The following NACC2 variants were observed in gnomAD, a reference collection of about 807,000 sequenced individuals.
The protein encoded by NACC2 is NACC family member 2, also known as nucleus accumbens-associated protein 2.
Under a neutral mutation model 25.1 loss-of-function variants are expected in NACC2, and 8 were observed. The ratio of observed to expected loss-of-function variants is 0.32; its 90% CI spans 0.19 to 0.57. The LOEUF (loss-of-function observed/expected upper bound fraction) is 0.57. NACC2 is among the 20% of genes least tolerant of loss of function. NACC2 has a pLI of 0.89. For missense variants in NACC2, 644 were observed against 650.2 expected (o/e 0.99, Z 0.10); for synonymous variants, 435 against 294.7 (o/e 1.48, Z -4.88).
chr9:136,012,858 C>T (rs1213428859), intron 5 of NACC2, among the ~76,000 whole-genome samples: 3 of 152,210 alleles, frequency 2.0e-5, no homozygotes, highest in Admixed American at 2.0e-4. Context: ...GAGCGGGAGG[C>T]AGAAGCCGGC....
At chr9:136,092,923 G>C (rs1362724782) in intron 1 of NACC2, among the ~76,000 whole-genome samples, 1 of 152,232 alleles carries the variant, frequency 6.6e-6, no homozygotes, top group Non-Finnish European at 1.5e-5. Flanking sequence ...CCAAGGGGCT[G>C]TGAGATGCAG....
At chr9:136,062,177 A>AGGAC (rs1564235430) in intron 1 of NACC2, among the ~76,000 whole-genome samples, 29 of 137,004 alleles carry the variant, frequency 2.1e-4, no homozygotes, top group Admixed American at 3.7e-4. Flanking sequence ...CAGGACAGGA[A>AGGAC]AGGAAAGAGA....
intron 1 of NACC2, among the ~76,000 whole-genome samples, chr9:136,051,696 C>G (rs1840841599): frequency 6.6e-6 from 1 of 152,098 alleles, no homozygotes; most frequent in African/African-American, 2.4e-5. Flanking sequence ...AGTGCCCCCG[C>G]TGCGGAGAAG....
At chr9:136,053,298 G>C (rs1238546298) in intron 1 of NACC2, among the ~76,000 whole-genome samples, 1 of 152,226 alleles carries the variant, frequency 6.6e-6, no homozygotes, top group Non-Finnish European at 1.5e-5. Flanking sequence ...GAATGGGGAC[G>C]GGAAGAGATC....
Position 136,013,781 on chromosome 9 carries a change from G to C in NACC2, c.1157+83C>G. 7.9e-7 allele frequency: 1 copy of C among 1,264,986 alleles called. No homozygotes were observed. Among genetic ancestry groups the C allele is most frequent in the Non-Finnish European group, 1.1e-6 (1 of 892,700 alleles). 78.4% of individuals were successfully genotyped at this position (1,264,986 alleles called of 1,614,324 possible). ...AGAGGGCTTTCAATGCCACAACCCTGGACGATCAGACAGCTCATAGCTAAA... is the reference window on the plus strand; with the variant it reads ...AGAGGGCTTTCAATGCCACAACCCTCGACGATCAGACAGCTCATAGCTAAA... On this transcript the variant is annotated intron_variant, in intron 4 of 5. Coordinates refer to ENST00000277554, the MANE Select transcript of NACC2 (RefSeq NM_144653.5). The surrounding 1 kb of genome is among the most constrained non-coding windows in gnomAD (Gnocchi z 6.6).
intron 1 of NACC2, among the ~76,000 whole-genome samples, chr9:136,056,527 C>T (rs1455715672): frequency 6.6e-6 from 1 of 152,188 alleles, no homozygotes; most frequent in Non-Finnish European, 1.5e-5. Flanking sequence ...GGATGCCTGG[C>T]CCCGCCCAAC....
At chr9:136,087,504 G>C (rs1056482828) in intron 1 of NACC2, among the ~76,000 whole-genome samples, 2 of 152,242 alleles carry the variant, frequency 1.3e-5, no homozygotes, top group Non-Finnish European at 1.5e-5. Flanking sequence ...CTGGAAGGGA[G>C]GGCGACAGAG....
At chr9:136,039,563 C>A (rs956035106) in intron 2 of NACC2, among the ~76,000 whole-genome samples, 3 of 152,070 alleles carry the variant, frequency 2.0e-5, no homozygotes, top group African/African-American at 7.2e-5. Flanking sequence ...AACATAAATG[C>A]AAAATTCCTT....
At chr9:136,076,252 G>C (rs1450546286) in intron 1 of NACC2, among the ~76,000 whole-genome samples, 3 of 152,182 alleles carry the variant, frequency 2.0e-5, no homozygotes, top group Non-Finnish European at 4.4e-5. Flanking sequence ...TGCGGAACTC[G>C]AAGAAGTGCT....
At chr9:136,064,196 G>A (rs1357781866) in intron 1 of NACC2, among the ~76,000 whole-genome samples, 3 of 152,020 alleles carry the variant, frequency 2.0e-5, no homozygotes, top group Admixed American at 1.3e-4. Context: ...GGCTGAGGGG[G>A]GAGAATCACT....
intron 2 of NACC2, among the ~76,000 whole-genome samples, chr9:136,048,622 A>G (rs1248385545): frequency 6.6e-6 from 1 of 152,250 alleles, no homozygotes; most frequent in Non-Finnish European, 1.5e-5. Context: ...CCTGCTGGCA[A>G]GGCAGTGGCT....
intron 1 of NACC2, among the ~76,000 whole-genome samples, chr9:136,075,696 C>G (rs1830255968): frequency 1.3e-5 from 2 of 152,246 alleles, no homozygotes; most frequent in Non-Finnish European, 2.9e-5. Flanking sequence ...CGGTCTTCCA[C>G]ACGCGGGGAG....
chr9:136,090,893 T>C (rs1381341987), intron 1 of NACC2, among the ~76,000 whole-genome samples: 43 of 151,850 alleles, frequency 2.8e-4, no homozygotes, highest in Admixed American at 2.7e-3. Context: ...CCAGTGACTA[T>C]ATATGGGCAC....
chr9:136,059,473 C>T (rs1265735545), intron 1 of NACC2, among the ~76,000 whole-genome samples: 2 of 152,244 alleles, frequency 1.3e-5, no homozygotes, highest in Non-Finnish European at 2.9e-5. Context: ...GGGGAGTGAC[C>T]TGAACTCTGG....
chr9:136,020,680 G>A lies in NACC2; in HGVS notation c.887-4251C>T, dbSNP rs931664250. On this transcript the variant is annotated intron_variant, in intron 2 of 5. Transcript: ENST00000277554. The surrounding 1 kb of genome is among the most constrained non-coding windows in gnomAD (Gnocchi z 4.7). The stretch of plus-strand genomic sequence containing the variant: ...AAATGCAAATGGACAGAACAGTGCT[G>A]AATCAACTGATTTTAAGACTTCCTG... Among the ~76,000 whole-genome samples the A allele has an allele frequency of 6.6e-6, 1 of 152,206 alleles. No homozygotes were observed. Among genetic ancestry groups the A allele is most frequent in the Admixed American group, 6.5e-5 (1 of 15,284 alleles).
rs1840911349 is a variant in NACC2, at chr9:136,055,513, C to T, written c.-59-4933G>A. On this transcript the variant is annotated intron_variant, in intron 1 of 5. Coordinates refer to ENST00000277554, the MANE Select transcript of NACC2 (RefSeq NM_144653.5). The surrounding 1 kb of genome is among the most constrained non-coding windows in gnomAD (Gnocchi z 4.9). ...AGCTCCATGGTCTGAGGGCCTCGCC[C>T]AGAGTCCCCAGAAACCCTGCCCCCT... 6.6e-6 allele frequency among the ~76,000 whole-genome samples: 1 copy of T among 152,192 alleles called. No homozygotes were observed. Among genetic ancestry groups the T allele is most frequent in the Admixed American group, 6.5e-5 (1 of 15,286 alleles).
At chr9:136,090,816 G>A (rs1254926896) in intron 1 of NACC2, among the ~76,000 whole-genome samples, 1 of 151,438 alleles carries the variant, frequency 6.6e-6, no homozygotes, top group Non-Finnish European at 1.5e-5. Context: ...GGGCCCCGGT[G>A]GCTGAGCTGG....
intron 2 of NACC2, among the ~76,000 whole-genome samples, chr9:136,028,331 G>C (rs543428261): frequency 5.3e-5 from 8 of 151,312 alleles, no homozygotes; most frequent in Non-Finnish European, 1.2e-4. Context: ...TAGGTAGGCT[G>C]ACCACATGTA....
rs1295220341 is a variant in NACC2, at chr9:136,022,257, G to A, written c.887-5828C>T. On this transcript the variant is annotated intron_variant, in intron 2 of 5. Coordinates refer to ENST00000277554, the MANE Select transcript of NACC2 (RefSeq NM_144653.5). This position sits in a 1 kb window ranked among gnomAD's most constrained non-coding sequence, Gnocchi z 4.4. ...GCACCACAGACGGGTGACCAGGCCC[G>A]GGTGATGAGGTAACGGGTGCCCCAC... Among the ~76,000 whole-genome samples the A allele has an allele frequency of 3.9e-5, 6 of 152,196 alleles. No individual in the cohort carries two copies. The highest frequency in any genetic ancestry group is 1.9e-4 in the East Asian group (1 of 5,192).
Sources: allele counts gnomAD v4.1 joint callset (sites outside exome capture counted in the v4.1 genomes callset), GRCh38; gene constraint gnomAD v4.1.1; non-coding constraint Gnocchi (gnomAD v3.1); transcripts MANE v1.5; gene names NCBI Gene and HGNC (gene_info 2026-07-23, HGNC 2026-07-21).